Variants in PARD3 observed in about 807,000 individuals in gnomAD.
The protein encoded by PARD3 is par-3 family cell polarity regulator.
PARD3 carries 75 observed loss-of-function variants against 155.4 expected under a neutral mutation model. The observed-to-expected ratio is 0.48, with a 90% CI of 0.40 to 0.58. The LOEUF (loss-of-function observed/expected upper bound fraction) is 0.58. PARD3 is among the 20% of genes least tolerant of loss of function. PARD3 has a pLI of 0.00. For synonymous variants in PARD3, 576 were observed against 610.5 expected (o/e 0.94, Z 0.83); for missense variants, 1,642 against 1,721.7 (o/e 0.95, Z 0.82).
intron 22 of PARD3, among the ~76,000 whole-genome samples, chr10:34,164,566 T>G (rs905882326): frequency 6.6e-6 from 1 of 152,206 alleles, no homozygotes; most frequent in Non-Finnish European, 1.5e-5. Context: ...AACAGAATTG[T>G]GATCATAAGC....
intron 22 of PARD3, among the ~76,000 whole-genome samples, chr10:34,161,399 T>C (rs576291317): frequency 3.9e-5 from 6 of 152,262 alleles, no homozygotes; most frequent in Admixed American, 2.0e-4. Context: ...AACATTACAC[T>C]GTTACTCAGT....
chr10:34,434,852 T>C (rs1298236875), intron 5 of PARD3, among the ~76,000 whole-genome samples: 3 of 152,120 alleles, frequency 2.0e-5, no homozygotes, highest in Non-Finnish European at 2.9e-5. Context: ...TTAGTGAAAA[T>C]AGCCTCAAAA....
At chr10:34,469,131 G>A (rs933737956) in intron 4 of PARD3, among the ~76,000 whole-genome samples, 13 of 152,312 alleles carry the variant, frequency 8.5e-5, no homozygotes, top group African/African-American at 2.6e-4. Context: ...TAGTTGTTGA[G>A]ATGGAGTCTC....
intron 22 of PARD3, among the ~76,000 whole-genome samples, chr10:34,163,725 T>G (rs16935154): frequency 0.098 from 14,896 of 152,192 alleles, 1,662 homozygotes; most frequent in African/African-American, 0.28. Context: ...GGGCATAGTT[T>G]GCAAACCCTT....
At chr10:34,304,686 T>C (rs1957316382) in intron 20 of PARD3, among the ~76,000 whole-genome samples, 1 of 152,222 alleles carries the variant, frequency 6.6e-6, no homozygotes, top group African/African-American at 2.4e-5. Context: ...TGGTAAGTTC[T>C]TCTCCACACC....
intron 2 of PARD3, among the ~76,000 whole-genome samples, chr10:34,679,453 A>T (rs1452912804): frequency 1.3e-5 from 2 of 152,212 alleles, no homozygotes; most frequent in African/African-American, 4.8e-5. Context: ...GCTATAGGAT[A>T]GGATCAAATC....
chr10:34,750,785 T>G (rs1835933902), intron 1 of PARD3, among the ~76,000 whole-genome samples: 1 of 149,852 alleles, frequency 6.7e-6, no homozygotes, highest in Non-Finnish European at 1.5e-5. Context: ...GCCCCCCGGG[T>G]TCAAGTGATT....
intron 2 of PARD3, among the ~76,000 whole-genome samples, chr10:34,571,219 C>A (rs1420787359): frequency 1.3e-5 from 2 of 152,080 alleles, no homozygotes; most frequent in Non-Finnish European, 2.9e-5. Flanking sequence ...GAGGCTGAGG[C>A]TGGAGGATTA....
chr10:34,774,784 T>C (rs1478586278), intron 1 of PARD3, among the ~76,000 whole-genome samples: 3 of 152,238 alleles, frequency 2.0e-5, no homozygotes, highest in African/African-American at 7.2e-5. Context: ...TTTGCAATCC[T>C]GCCAAGTACT....
intron 5 of PARD3, among the ~76,000 whole-genome samples, chr10:34,448,134 C>CGTGTGTGTGTGTGTGT (rs35325584): frequency 6.1e-5 from 9 of 147,146 alleles, no homozygotes; most frequent in African/African-American, 1.8e-4. Context: ...ATATACACTG[C>CGTGTGTGTGTGTGTGT]GTGTGTGTGT....
intron 5 of PARD3, among the ~76,000 whole-genome samples, chr10:34,446,315 T>C (rs2076737457): frequency 6.6e-6 from 1 of 152,232 alleles, no homozygotes; most frequent in Non-Finnish European, 1.5e-5. Flanking sequence ...TTCCTCATTC[T>C]AGATTCCAGG....
chr10:34,814,729 G>C (rs1165492685), intron 1 of PARD3, 147 bp downstream of exon 1: 1 of 648,202 alleles, frequency 1.5e-6, no homozygotes. Context: ...GCAGTCCGGG[G>C]CGGGGGGCGC....
chr10:34,653,794 C>A (rs1466351788), intron 2 of PARD3, among the ~76,000 whole-genome samples: 53 of 130,248 alleles, frequency 4.1e-4, no homozygotes, highest in Admixed American at 9.3e-4. Context: ...ACCTCGACTC[C>A]AAAAAAAAAA....
chr10:34,375,094 ACT>A (rs1315096161), intron 10 of PARD3, 92 bp from the exon 11 acceptor site: 12 of 834,736 alleles, frequency 1.4e-5, no homozygotes, highest in South Asian at 1.0e-4. Flanking sequence ...ACACACACAC[ACT>A]CTAGGACTAG....
intron 22 of PARD3, among the ~76,000 whole-genome samples, chr10:34,247,604 T>A (rs1954039916): frequency 6.6e-6 from 1 of 152,056 alleles, no homozygotes; most frequent in Non-Finnish European, 1.5e-5. Flanking sequence ...AAATACATGC[T>A]AAAGAACATA....
intron 24 of PARD3, among the ~76,000 whole-genome samples, chr10:34,115,634 T>C (rs1025287998): frequency 1.1e-4 from 17 of 152,328 alleles, no homozygotes; most frequent in Admixed American, 9.8e-4. Flanking sequence ...AATTCTTTTA[T>C]GCTATATTCA....
intron 4 of PARD3, among the ~76,000 whole-genome samples, chr10:34,457,713 ATC>A (rs2077410382): frequency 6.6e-6 from 1 of 151,956 alleles, no homozygotes; most frequent in African/African-American, 2.4e-5. Context: ...CGATCCTCCC[ATC>A]TCAGACTCCC....
Position 34,573,778 on chromosome 10 carries a change from CACACACAG to C in PARD3, c.223-56627_223-56620del, listed in dbSNP as rs1564368090. The stretch of plus-strand genomic sequence containing the variant: ...ACACACACACACACACACACACACA[CACACACAG>C]AGAATCAGCCTCCAAGTACCGAACT... On this transcript the variant is annotated intron_variant, in intron 2 of 24. Coordinates refer to ENST00000374788, the MANE Select transcript of PARD3 (RefSeq NM_001184785.2). Among the ~76,000 whole-genome samples, 329 of 139,628 alleles carry C rather than the reference CACACACAG, an allele frequency of 2.4e-3. 1 individual carries two copies. The highest frequency in any genetic ancestry group is 8.7e-3 in the African/African-American group (297 of 34,258). The allele number at this position is 139,628 out of a possible 152,430, so 91.6% of individuals were successfully genotyped here.
chr10:34,326,243 G>C (rs1184584268), intron 19 of PARD3, among the ~76,000 whole-genome samples: 1 of 151,846 alleles, frequency 6.6e-6, no homozygotes, highest in East Asian at 1.9e-4. Context: ...GAAATGCAGA[G>C]AATACCTTTG....
Sources: gnomAD v4.1 joint callset for allele counts (sites outside exome capture counted in the v4.1 genomes callset) on GRCh38, gnomAD v4.1.1 for gene constraint, MANE v1.5 for transcripts, NCBI Gene and HGNC (gene_info 2026-07-23, HGNC 2026-07-21) for gene names.